Variants in SERINC1 observed in about 807,000 individuals in gnomAD.
The protein encoded by SERINC1 is tumor differentially expressed protein 2.
A neutral mutation model predicts 52.9 loss-of-function variants in SERINC1; 38 were observed. The observed-to-expected ratio is 0.72, with a 90% CI of 0.55 to 0.94. SERINC1 has a LOEUF of 0.94. Among genes scored for constraint, SERINC1 ranks in the 40% least tolerant of loss-of-function variants. SERINC1 has a pLI of 0.00. For missense variants in SERINC1, 471 were observed against 533.9 expected (o/e 0.88, Z 1.16); for synonymous variants, 198 against 183.1 (o/e 1.08, Z -0.66).
intron 7 of SERINC1, among the ~76,000 whole-genome samples, chr6:122,448,849 T>C (rs1264927900): frequency 6.6e-6 from 1 of 151,802 alleles, no homozygotes; most frequent in Admixed American, 6.6e-5. Context: ...AATTGAAGGT[T>C]TGTGGCAACC....
At chr6:122,458,385 A>T in intron 2 of SERINC1, 135 bp downstream of exon 2, 1 of 533,142 alleles carries the variant, frequency 1.9e-6, no homozygotes. Flanking sequence ...TTCCTAAAAG[A>T]TTATGAACTA....
rs1775309679 is a variant in SERINC1 at position 122,471,784 on chromosome 6, C to A, written c.-47G>T. ...GCGGATACAGACAAGATGGAGACAGCTTCTTTCTCGCCTTTCCGAGATTAT... is the reference window on the plus strand; with the variant it reads ...GCGGATACAGACAAGATGGAGACAGATTCTTTCTCGCCTTTCCGAGATTAT... On this transcript the variant is annotated 5_prime_UTR_variant, in exon 1 of 10. Transcript: ENST00000339697. The A allele has an allele frequency of 6.2e-7, 1 of 1,612,786 alleles. No individual in the cohort carries two copies. Among genetic ancestry groups the A allele is most frequent in the Non-Finnish European group, 8.5e-7 (1 of 1,179,636 alleles).
At chr6:122,462,819 G>T (rs1297785311) in intron 1 of SERINC1, among the ~76,000 whole-genome samples, 1 of 152,126 alleles carries the variant, frequency 6.6e-6, no homozygotes, top group Non-Finnish European at 1.5e-5. Flanking sequence ...AAACATTGGT[G>T]AAAGAAATCA....
At position 122,458,455 on chromosome 6, in the gene SERINC1, A is replaced by C; in HGVS notation, c.201+65T>G. On this transcript the variant is annotated intron_variant, in intron 2 of 9. Transcript: ENST00000339697. Reference sequence around the variant, plus strand: ...TTCTGTTTACAATATCCCCGAATCAATTTTATACATATACATATATACCCT... The same window carrying C: ...TTCTGTTTACAATATCCCCGAATCACTTTTATACATATACATATATACCCT... The C allele has an allele frequency of 3.6e-6, 4 of 1,109,200 alleles. No homozygotes were observed. In the South Asian group the frequency reaches 4.8e-5, roughly 13 times the overall value. 68.7% of individuals were successfully genotyped at this position (1,109,200 alleles called of 1,614,324 possible).
chr6:122,466,617 A>C (rs1562217713), intron 1 of SERINC1, among the ~76,000 whole-genome samples: 1 of 152,192 alleles, frequency 6.6e-6, no homozygotes, highest in Non-Finnish European at 1.5e-5. Context: ...TATAGGTGTG[A>C]GCACACTGCC....
intron 1 of SERINC1, among the ~76,000 whole-genome samples, chr6:122,464,204 T>G (rs1243356964): frequency 6.6e-6 from 1 of 152,134 alleles, no homozygotes; most frequent in African/African-American, 2.4e-5. Context: ...TAGAGATGCA[T>G]TTGTCAAAAC....
chr6:122,453,945 G>C, intron 4 of SERINC1, 38 bp from the exon 5 acceptor site: 1 of 1,537,186 alleles, frequency 6.5e-7, no homozygotes, highest in Non-Finnish European at 8.7e-7. Flanking sequence ...TGATTGGTTA[G>C]TTTGATTTTT....
In SERINC1 at chr6:122,458,591, G is replaced by A. The variant is rs1775042384; in HGVS notation, c.130C>T (p.Leu44Phe). Residue 44 changes from leucine (L) to phenylalanine (F), a missense_variant, in exon 2 of 10, where the codon CTT (leucine) becomes TTT (phenylalanine). By Grantham distance (22) the Leu-to-Phe change is conservative (BLOSUM62 0). Coordinates refer to ENST00000339697, the MANE Select transcript of SERINC1 (RefSeq NM_020755.4). ...NSTVTRLIYALFLLVGVCVAC... is the reference protein window; with the variant it reads ...NSTVTRLIYAFFLLVGVCVAC... ...ACACATACTCCAACAAGCAAGAAAA[G>A]TGCATAGATCAATCTAGTTACAGTG... 6.2e-7 allele frequency: 1 copy of A among 1,613,100 alleles called. No individual in the cohort carries two copies. The highest frequency in any genetic ancestry group is 8.5e-7 in the Non-Finnish European group (1 of 1,179,208).
At chr6:122,457,822 T>TAC (rs1554211594) in intron 2 of SERINC1, among the ~76,000 whole-genome samples, 211 of 151,206 alleles carry the variant, frequency 1.4e-3, no homozygotes, top group African/African-American at 4.9e-3. Context: ...TATATATATA[T>TAC]ACATGTACAC....
chr6:122,456,474 A>G lies in SERINC1; in HGVS notation c.371+7T>C. The G allele has an allele frequency of 6.6e-7, 1 of 1,517,478 alleles. No individual in the cohort carries two copies. The highest frequency in any genetic ancestry group is 1.4e-5 in the South Asian group (1 of 73,312). 94.0% of individuals were successfully genotyped at this position (1,517,478 alleles called of 1,614,324 possible). On this transcript the variant is annotated splice_region_variant and intron_variant, in intron 3 of 9. Transcript: ENST00000339697. ...GCTTTTATATTGAAGCTTATTTAAA[A>G]ACTTACCCATTGTGCACTGCAGCTC...
chr6:122,444,962 C>T lies in SERINC1; in HGVS notation c.*82G>A, dbSNP rs766900022. ...GGAGAAGTTACATGGGAAGCAAAAA[C>T]ATACACAACTTTACAAAAGTTGGGA... On this transcript the variant is annotated 3_prime_UTR_variant, in exon 10 of 10. Coordinates refer to ENST00000339697, the MANE Select transcript of SERINC1 (RefSeq NM_020755.4). 212 of 1,393,572 alleles carry T rather than the reference C, an allele frequency of 1.5e-4. No individual in the cohort carries two copies. The highest frequency in any genetic ancestry group is 2.0e-4 in the Non-Finnish European group (203 of 1,017,038). 86.3% of individuals were successfully genotyped at this position (1,393,572 alleles called of 1,614,324 possible). A position where few individuals can be genotyped will look rare whatever the true frequency, so the allele number is the denominator to read the frequency against.
chr6:122,446,404 T>C (rs959337098), intron 9 of SERINC1, among the ~76,000 whole-genome samples: 1 of 152,100 alleles, frequency 6.6e-6, no homozygotes, highest in African/African-American at 2.4e-5. Context: ...ATTTAAAAAT[T>C]TTCAGAGCTT....
chr6:122,470,692 A>G (rs1242847752), intron 1 of SERINC1, among the ~76,000 whole-genome samples: 3 of 152,204 alleles, frequency 2.0e-5, no homozygotes, highest in Admixed American at 1.3e-4. Context: ...AGTTCAAGAC[A>G]TATCAAAACC....
intron 7 of SERINC1, among the ~76,000 whole-genome samples, chr6:122,448,220 T>G (rs1244923092): frequency 2.0e-5 from 3 of 152,178 alleles, no homozygotes; most frequent in Admixed American, 1.3e-4. Context: ...TGAAAATGAT[T>G]CTTACCTTAA....
At chr6:122,462,951 C>T (rs1005760917) in intron 1 of SERINC1, among the ~76,000 whole-genome samples, 10 of 152,134 alleles carry the variant, frequency 6.6e-5, no homozygotes, top group African/African-American at 1.9e-4. Flanking sequence ...ATCCCAACAT[C>T]AGATTTACAG....
chr6:122,456,593 A>T lies in SERINC1; in HGVS notation c.259T>A (p.Tyr87Asn). 1 of 1,612,548 alleles carries T rather than the reference A, an allele frequency of 6.2e-7. No individual in the cohort carries two copies. Among genetic ancestry groups the T allele is most frequent in the Non-Finnish European group, 8.5e-7 (1 of 1,179,132 alleles). ...AAGCACAAACGATATACAGCTTTAT[A>T]GCCAACCAAAATGTTACAAGGGACA... ...GVVPCNILVG[Y>N]KAVYRLCFGL... Residue 87 changes from tyrosine to asparagine, a missense_variant, in exon 3 of 10, where the codon TAT (tyrosine) becomes AAT (asparagine). Physicochemically the swap from Tyr to Asn is moderately radical, Grantham distance 143. Coordinates refer to ENST00000339697, the MANE Select transcript of SERINC1 (RefSeq NM_020755.4).
At chr6:122,464,348 T>A (rs947429204) in intron 1 of SERINC1, among the ~76,000 whole-genome samples, 1 of 152,048 alleles carries the variant, frequency 6.6e-6, no homozygotes, top group Non-Finnish European at 1.5e-5. Flanking sequence ...ATAAGAAAAA[T>A]TCCTTAGATG....
At position 122,444,369 on chromosome 6, in the gene SERINC1, A is replaced by G. The variant is rs1370746029; in HGVS notation, c.*675T>C. 6.6e-6 allele frequency: 1 copy of G among 152,272 alleles called. No homozygotes were observed. Among genetic ancestry groups the G allele is most frequent in the Non-Finnish European group, 1.5e-5 (1 of 68,078 alleles). 9.4% of individuals were successfully genotyped at this position (152,272 alleles called of 1,614,324 possible). On this transcript the variant is annotated 3_prime_UTR_variant, in exon 10 of 10. Coordinates refer to ENST00000339697, the MANE Select transcript of SERINC1 (RefSeq NM_020755.4). Reference sequence around the variant, plus strand: ...TCAAAACCTTGTCTAAATCCTTCAGAGTTCCAAACATTTCCACTGAACCCA... The same window carrying G: ...TCAAAACCTTGTCTAAATCCTTCAGGGTTCCAAACATTTCCACTGAACCCA...
intron 3 of SERINC1, chr6:122,454,589 CA>C: frequency 4.8e-6 from 1 of 207,476 alleles, no homozygotes; most frequent in Non-Finnish European, 1.1e-5. Flanking sequence ...AGCATCAGAG[CA>C]AATGGCTGGA....
Sources: gnomAD v4.1 joint callset for allele counts (sites outside exome capture counted in the v4.1 genomes callset) on GRCh38, gnomAD v4.1.1 for gene constraint, MANE v1.5 for transcripts, NCBI Gene and HGNC (gene_info 2026-07-23, HGNC 2026-07-21) for gene names.